Variants in RBFOX3 observed in about 807,000 individuals in gnomAD.
RBFOX3 encodes the protein RNA binding protein fox-1 homolog 3.
In RBFOX3, 17 loss-of-function variants were observed where a neutral mutation model predicts 48.7. The ratio of observed to expected loss-of-function variants is 0.35; its 90% CI spans 0.24 to 0.52. RBFOX3 has a LOEUF of 0.52. Among genes scored for constraint, RBFOX3 ranks in the 20% least tolerant of loss-of-function variants. RBFOX3 has a pLI of 0.94. For missense variants in RBFOX3, 382 were observed against 497.5 expected (o/e 0.77, Z 2.21); for synonymous variants, 212 against 209.5 (o/e 1.01, Z -0.10).
intron 2 of RBFOX3, among the ~76,000 whole-genome samples, chr17:79,374,289 G>T (rs528248925): frequency 7.2e-5 from 11 of 152,288 alleles, no homozygotes; most frequent in African/African-American, 2.6e-4. Context: ...CAGCTTCCCA[G>T]GGCAAGGGAC....
In RBFOX3 at chr17:79,234,721, C is replaced by CTTTTTTTTTTT. The variant is rs71161654; in HGVS notation, c.-34+1034_-34+1044dup. On this transcript the variant is annotated intron_variant, in intron 4 of 14. Coordinates refer to ENST00000693108, the MANE Select transcript of RBFOX3 (RefSeq NM_001350451.2). Reference sequence around the variant, plus strand: ...TTGGGTTTATTGGGGGCATTAAGTGCTTTTTTTTTTTTTTTTTTTTTTTTT... The same window carrying CTTTTTTTTTTT: ...TTGGGTTTATTGGGGGCATTAAGTGCTTTTTTTTTTTTTTTTTTTTTTTTTTTTTTTTTTTT... The CTTTTTTTTTTT allele has an allele frequency of 3.4e-4, 21 of 61,832 alleles. 3 individuals carry two copies. Among genetic ancestry groups the CTTTTTTTTTTT allele is most frequent in the African/African-American group, 1.7e-3 (21 of 12,592 alleles). 3.8% of individuals were successfully genotyped at this position (61,832 alleles called of 1,614,324 possible). A position where few individuals can be genotyped will look rare whatever the true frequency, so the allele number is the denominator to read the frequency against.
chr17:79,474,056 G>A (rs997250853), intron 2 of RBFOX3, among the ~76,000 whole-genome samples: 16 of 151,480 alleles, frequency 1.1e-4, no homozygotes, highest in African/African-American at 3.9e-4. Context: ...ATCCTCACTC[G>A]TCCATTCACC....
chr17:79,323,900 T>G (rs2078929468), intron 2 of RBFOX3, among the ~76,000 whole-genome samples: 1 of 152,240 alleles, frequency 6.6e-6, no homozygotes. Flanking sequence ...AGAGGCATGA[T>G]GAGAACTCAG....
rs73999931 is a variant in RBFOX3, at chr17:79,254,244, G to A, written c.-73-18439C>T. Among the ~76,000 whole-genome samples, 1 of 152,166 alleles carries A rather than the reference G, an allele frequency of 6.6e-6. No homozygotes were observed. The highest frequency in any genetic ancestry group is 1.5e-5 in the Non-Finnish European group (1 of 68,020). On this transcript the variant is annotated intron_variant, in intron 3 of 14. Coordinates refer to ENST00000693108, the MANE Select transcript of RBFOX3 (RefSeq NM_001350451.2). The surrounding 1 kb of genome is among the most constrained non-coding windows in gnomAD (Gnocchi z 4.8). ...GGTTCTCAGATGTCCTGGCTTCAGGGAGCAGGGCCCCTGAGGTCTGGAAGA... is the reference window on the plus strand; with the variant it reads ...GGTTCTCAGATGTCCTGGCTTCAGGAAGCAGGGCCCCTGAGGTCTGGAAGA...
intron 4 of RBFOX3, among the ~76,000 whole-genome samples, chr17:79,135,544 C>T (rs1227866781): frequency 2.0e-5 from 3 of 152,196 alleles, no homozygotes; most frequent in African/African-American, 7.2e-5. Flanking sequence ...GGCATCTGAG[C>T]AAAGGCCTGG....
chr17:79,406,979 G>A (rs965278543), intron 2 of RBFOX3, among the ~76,000 whole-genome samples: 13 of 152,154 alleles, frequency 8.5e-5, no homozygotes, highest in Non-Finnish European at 1.2e-4. Flanking sequence ...CAGATCCACC[G>A]GTGCTTACCA....
intron 2 of RBFOX3, among the ~76,000 whole-genome samples, chr17:79,451,431 G>C (rs2073483639): frequency 6.6e-6 from 1 of 152,166 alleles, no homozygotes; most frequent in Non-Finnish European, 1.5e-5. Context: ...GCATCATCTT[G>C]GGGATAGAGA....
intron 2 of RBFOX3, among the ~76,000 whole-genome samples, chr17:79,427,765 C>T (rs186013743): frequency 6.6e-6 from 1 of 152,390 alleles, no homozygotes; most frequent in East Asian, 1.9e-4. Context: ...CAAACCCCAC[C>T]TGCACACGCA....
At chr17:79,396,140 G>A (rs1239750752) in intron 2 of RBFOX3, among the ~76,000 whole-genome samples, 1 of 152,244 alleles carries the variant, frequency 6.6e-6, no homozygotes, top group Admixed American at 6.5e-5. Flanking sequence ...TGGGGCCGGA[G>A]GGCCCTGCCT....
intron 2 of RBFOX3, among the ~76,000 whole-genome samples, chr17:79,348,200 C>T (rs558324283): frequency 1.1e-4 from 17 of 152,186 alleles, no homozygotes; most frequent in Non-Finnish European, 2.2e-4. Context: ...TGGGCTGCAC[C>T]TGTTTTGCTT....
chr17:79,462,853 C>T (rs566186667), intron 2 of RBFOX3, among the ~76,000 whole-genome samples: 90 of 152,300 alleles, frequency 5.9e-4, no homozygotes, highest in African/African-American at 2.0e-3. Flanking sequence ...CCAGACACAG[C>T]GGTTATCTGA....
chr17:79,312,815 G>A (rs1023136180), intron 2 of RBFOX3, among the ~76,000 whole-genome samples: 2 of 152,200 alleles, frequency 1.3e-5, no homozygotes, highest in South Asian at 2.1e-4. Context: ...TGTGAGGATG[G>A]AGGGGCAGCT....
chr17:79,291,216 G>A (rs570693699), intron 3 of RBFOX3, among the ~76,000 whole-genome samples: 3 of 152,350 alleles, frequency 2.0e-5, no homozygotes, highest in African/African-American at 7.2e-5. Context: ...AACTCTGATG[G>A]CCAGGGCATT....
At chr17:79,098,780 C>T (rs1186378478) in intron 9 of RBFOX3, 1 of 152,398 alleles carries the variant, frequency 6.6e-6, no homozygotes. Flanking sequence ...CAGGTCTTAT[C>T]TCTACAGCAT....
At chr17:79,273,027 G>C (rs1285408186) in intron 3 of RBFOX3, among the ~76,000 whole-genome samples, 9 of 152,138 alleles carry the variant, frequency 5.9e-5, no homozygotes, top group Admixed American at 5.9e-4. Context: ...CGCCATGCTG[G>C]GGCTCTGCCT....
At chr17:79,620,835 G>A in the RBFOX3 span, among the ~76,000 whole-genome samples, 14 of 152,182 alleles carry the variant, frequency 9.2e-5, 1 homozygote, top group African/African-American at 3.1e-4. Flanking sequence ...CGGCAGAGAA[G>A]GGTTATCATT....
the RBFOX3 span, among the ~76,000 whole-genome samples, chr17:79,635,298 C>G: frequency 6.6e-6 from 1 of 152,054 alleles, no homozygotes; most frequent in Admixed American, 6.6e-5. Context: ...GGCCCTGGCA[C>G]CTGGAACCAT....
chr17:79,509,242 C>T lies in RBFOX3; in HGVS notation c.-319-26644G>A, dbSNP rs1485314526. Among the ~76,000 whole-genome samples the T allele has an allele frequency of 3.3e-5, 5 of 152,280 alleles. No individual in the cohort carries two copies. In the South Asian group the frequency reaches 6.2e-4, roughly 19 times the overall value. ...AGCGGGGTCCCCAAGGCGGCCTGGT[C>T]GATAGGAGCGCCAGAGCCGGTGTTT... On this transcript the variant is annotated intron_variant, in intron 1 of 14. Coordinates refer to ENST00000693108, the MANE Select transcript of RBFOX3 (RefSeq NM_001350451.2).
intron 4 of RBFOX3, among the ~76,000 whole-genome samples, chr17:79,202,115 C>T (rs34238853): frequency 0.32 from 48,026 of 152,030 alleles, 8,115 homozygotes; most frequent in East Asian, 0.45. Flanking sequence ...CAGGCTTCCC[C>T]GGCATGGGGG....
Sources: allele counts gnomAD v4.1 joint callset (sites outside exome capture counted in the v4.1 genomes callset), GRCh38; gene constraint gnomAD v4.1.1; non-coding constraint Gnocchi (gnomAD v3.1); transcripts MANE v1.5; gene names NCBI Gene and HGNC (gene_info 2026-07-23, HGNC 2026-07-21).